Variants in EPG5 observed in about 807,000 individuals in gnomAD.
The protein encoded by EPG5 is ectopic P-granules 5 autophagy tethering factor.
In EPG5, 159 loss-of-function variants were observed where a neutral mutation model predicts 302.7. The observed-to-expected ratio is 0.53, with a 90% CI of 0.46 to 0.60. The LOEUF is 0.60. Ranked by LOEUF, EPG5 falls within the 20% of genes least tolerant of loss-of-function variation. The pLI, the probability that EPG5 is intolerant of heterozygous loss-of-function variation, is 0.00. For missense variants in EPG5, 2,896 were observed against 3,092.4 expected, an observed-to-expected ratio of 0.94 and a Z score of 1.51; for synonymous variants, 1,158 against 1,136.8, an observed-to-expected ratio of 1.02 and a Z score of -0.37.
chr18:45,824,963 G>A, the EPG5 span, among the ~76,000 whole-genome samples: 1 of 152,010 alleles, frequency 6.6e-6, no homozygotes, highest in Non-Finnish European at 1.5e-5. Context: ...CAAGGGAAGG[G>A]GGCAGAAGGA....
Position 45,887,786 on chromosome 18 carries a change from G to T in EPG5, c.5074C>A (p.Gln1692Lys). The change falls in exon 29 of 44, where the codon CAG (glutamine) becomes AAG (lysine). Residue 1692 changes from glutamine to lysine, a missense_variant. Gln to Lys is a moderately conservative substitution (Grantham distance 53, BLOSUM62 1). Transcript: ENST00000282041. The part of the protein sequence containing the change: ...DETQRHPPTR[Q>K]FFTSCIEILG... Reference sequence around the variant, plus strand: ...ATCTCAATACATGAAGTAAAGAACTGCCTTGTTGGGGGATGACGCTGCGTC... The same window carrying T: ...ATCTCAATACATGAAGTAAAGAACTTCCTTGTTGGGGGATGACGCTGCGTC... 6.3e-7 allele frequency: 1 copy of T among 1,594,040 alleles called. No individual in the cohort carries two copies. The highest frequency in any genetic ancestry group is 1.7e-5 in the Admixed American group (1 of 59,482).
intron 7 of EPG5, among the ~76,000 whole-genome samples, chr18:45,946,100 T>C (rs970499041): frequency 6.6e-6 from 1 of 152,312 alleles, no homozygotes; most frequent in South Asian, 2.1e-4. Flanking sequence ...ATGACTATAG[T>C]AGAAAGGAAA....
In EPG5 at chr18:45,883,614, G is replaced by GTTTTTTGTTTTTTTTTTTTTTT. The variant is rs1568120208; in HGVS notation, c.5304+1002_5304+1003insAAAAAAAAAAAAAAACAAAAAA. Reference sequence around the variant, plus strand: ...TAGCTGGGAGTACCACTAGCCTGGTGTTTTTTTTTTTTTTTTTTTTTTTTT... The same window carrying GTTTTTTGTTTTTTTTTTTTTTT: ...TAGCTGGGAGTACCACTAGCCTGGTGTTTTTTGTTTTTTTTTTTTTTTTTTTTTTTTTTTTTTTTTTTTTTTT... On this transcript the variant is annotated intron_variant, in intron 30 of 43. Transcript: ENST00000282041. 3.3e-5 allele frequency among the ~76,000 whole-genome samples: 2 copies of GTTTTTTGTTTTTTTTTTTTTTT among 60,718 alleles called. 1 individual carries two copies. The highest frequency in any genetic ancestry group is 6.8e-5 in the Non-Finnish European group (2 of 29,244). 39.8% of individuals were successfully genotyped at this position (60,718 alleles called of 152,430 possible).
intron 1 of EPG5, among the ~76,000 whole-genome samples, chr18:45,958,107 C>T (rs2051070127): frequency 6.6e-6 from 1 of 152,058 alleles, no homozygotes; most frequent in Admixed American, 6.6e-5. Flanking sequence ...AAAGAACAAA[C>T]TAGGGATAAA....
chr18:45,837,698 G>A, the EPG5 span: 2 of 1,478,968 alleles, frequency 1.4e-6, no homozygotes, highest in Non-Finnish European at 1.8e-6. Flanking sequence ...TGCGGCGCGG[G>A]GCAGCGAGCT....
At chr18:45,891,054 A>T (rs923334747) in intron 27 of EPG5, among the ~76,000 whole-genome samples, 4 of 152,144 alleles carry the variant, frequency 2.6e-5, no homozygotes, top group Non-Finnish European at 5.9e-5. Flanking sequence ...TTTTTTCCTT[A>T]CATGCACCTG....
At chr18:45,821,672 T>G in the EPG5 span, among the ~76,000 whole-genome samples, 1 of 152,222 alleles carries the variant, frequency 6.6e-6, no homozygotes, top group African/African-American at 2.4e-5. Context: ...AAGGACAACC[T>G]GCAGAATGGG....
chr18:45,838,291 C>G, the EPG5 span, among the ~76,000 whole-genome samples: 2 of 152,294 alleles, frequency 1.3e-5, no homozygotes, highest in East Asian at 1.9e-4. Context: ...GGTGCACAGA[C>G]AGCCCACCAA....
At chr18:45,804,800 C>T in the EPG5 span, among the ~76,000 whole-genome samples, 74 of 152,194 alleles carry the variant, frequency 4.9e-4, no homozygotes, top group African/African-American at 1.6e-3. Context: ...AACATCAAAA[C>T]TAGCAAATAG....
At chr18:45,946,854 C>A in intron 6 of EPG5, 86 bp from the exon 7 acceptor site, 1 of 1,009,772 alleles carries the variant, frequency 9.9e-7, no homozygotes, top group Non-Finnish European at 1.5e-6. Flanking sequence ...TGAAGAAGAG[C>A]CACACATCAT....
chr18:45,934,740 A>T (rs1439247170), intron 11 of EPG5, 69 bp downstream of exon 11: 2 of 1,505,782 alleles, frequency 1.3e-6, no homozygotes, highest in South Asian at 1.3e-5. Context: ...TAAAAGTAAA[A>T]ATTAAGCCCT....
the EPG5 span, among the ~76,000 whole-genome samples, chr18:45,833,854 G>C: frequency 6.6e-6 from 1 of 152,172 alleles, no homozygotes; most frequent in Admixed American, 6.5e-5. Flanking sequence ...TAGTAATGAA[G>C]CACATGACAT....
Position 45,910,715 on chromosome 18 carries a change from T to C in EPG5, c.4011A>G (p.Arg1337=). 6.2e-7 allele frequency: 1 copy of C among 1,614,114 alleles called. No individual in the cohort carries two copies. Among genetic ancestry groups the C allele is most frequent in the Non-Finnish European group, 8.5e-7 (1 of 1,180,004 alleles). ...YGLPIDGCIG[R]RFFQSPAHIN... ...TATGAGCAGGACTTTGAAAAAACCTTCTTCCAATACAACCATCTATGGGTA... is the reference window on the plus strand; with the variant it reads ...TATGAGCAGGACTTTGAAAAAACCTCCTTCCAATACAACCATCTATGGGTA... Residue 1337 remains arginine, a synonymous_variant, in exon 23 of 44, where the codon AGA becomes AGG. Coordinates refer to ENST00000282041, the MANE Select transcript of EPG5 (RefSeq NM_020964.3).
intron 28 of EPG5, among the ~76,000 whole-genome samples, chr18:45,889,115 C>T (rs971145513): frequency 6.6e-6 from 1 of 152,186 alleles, no homozygotes; most frequent in African/African-American, 2.4e-5. Context: ...GGACTCGATG[C>T]TCCCCTCCAT....
At chr18:45,837,503 C>A in the EPG5 span, 25 of 1,480,846 alleles carry the variant, frequency 1.7e-5, no homozygotes, top group African/African-American at 2.3e-4. Context: ...GCAGCCCGCC[C>A]CGCCCTCAGG....
At chr18:45,919,336 A>C (rs562075629) in intron 16 of EPG5, among the ~76,000 whole-genome samples, 72 of 152,348 alleles carry the variant, frequency 4.7e-4, no homozygotes, top group African/African-American at 1.7e-3. Context: ...TTCAGGATTC[A>C]GTGATCAGCA....
intron 24 of EPG5, among the ~76,000 whole-genome samples, chr18:45,907,476 A>G (rs1305474123): frequency 6.6e-6 from 1 of 152,204 alleles, no homozygotes; most frequent in Non-Finnish European, 1.5e-5. Context: ...AAGTGGTTCC[A>G]GAAGAGCAAT....
chr18:45,821,965 G>A, the EPG5 span, among the ~76,000 whole-genome samples: 1 of 152,146 alleles, frequency 6.6e-6, no homozygotes, highest in Non-Finnish European at 1.5e-5. Context: ...ATTACATATA[G>A]TGAAGCCACT....
intron 9 of EPG5, among the ~76,000 whole-genome samples, chr18:45,941,859 G>T (rs2050674061): frequency 6.6e-6 from 1 of 152,140 alleles, no homozygotes; most frequent in Non-Finnish European, 1.5e-5. Flanking sequence ...TTATCTCCAA[G>T]TCACCAGCCA....
Sources: gnomAD v4.1 joint callset for allele counts (sites outside exome capture counted in the v4.1 genomes callset) on GRCh38, gnomAD v4.1.1 for gene constraint, MANE v1.5 for transcripts, NCBI Gene and HGNC (gene_info 2026-07-23, HGNC 2026-07-21) for gene names.